Variants in SMKR1 observed in about 807,000 individuals in gnomAD.
SMKR1 encodes the protein small lysine-rich protein 1.
A neutral mutation model predicts 4.0 loss-of-function variants in SMKR1; 4 were observed. The observed-to-expected ratio is 1.00, with a 90% CI of 0.49 to 2.30. SMKR1 has a LOEUF of 2.30. Ranked by LOEUF, SMKR1 falls within the 30% of genes most tolerant of loss-of-function variation. The pLI, the probability that SMKR1 is intolerant of heterozygous loss-of-function variation, is 0.02. For synonymous variants in SMKR1, 38 were observed against 32.5 expected (o/e 1.17, Z -0.58); for missense variants, 56 against 81.8 (o/e 0.68, Z 1.22).
chr7:129,502,750 A>G lies in SMKR1; in HGVS notation c.-75A>G, dbSNP rs1308154374. ...TGCTAGGGGAACGGGCGCTGGGGGC[A>G]GCGGCCCCGGTGGATGCTAAGGGCT... On this transcript the variant is annotated 5_prime_UTR_variant, in exon 1 of 2. Transcript: ENST00000462322. 6.5e-7 allele frequency: 1 copy of G among 1,531,770 alleles called. No homozygotes were observed. Among genetic ancestry groups the G allele is most frequent in the Non-Finnish European group, 8.7e-7 (1 of 1,144,196 alleles). The allele number at this position is 1,531,770 out of a possible 1,614,324, so 94.9% of individuals were successfully genotyped here.
rs529154569 is a variant in SMKR1, at chr7:129,512,279, C to T, written c.36C>T (p.Gly12=). 3.9e-6 allele frequency: 6 copies of T among 1,533,914 alleles called. No homozygotes were observed. The South Asian group carries it at 6.0e-5, about 15-fold the overall frequency. The change falls in exon 2 of 2, where the codon GGC becomes GGT. Residue 12 remains glycine, a synonymous_variant. Transcript: ENST00000462322. The part of the protein sequence containing the change: ...PAKGKKGKGQ[G]KSHGKKQKKP... ...AAGGGAAAAAAGGAAAAGGCCAGGGCAAGTCTCATGGGAAGAAACAGAAGA... is the reference window on the plus strand; with the variant it reads ...AAGGGAAAAAAGGAAAAGGCCAGGGTAAGTCTCATGGGAAGAAACAGAAGA...
In SMKR1 at chr7:129,509,828, C is replaced by T. The variant is rs1305187945; in HGVS notation, c.4-2419C>T. Among the ~76,000 whole-genome samples the T allele has an allele frequency of 9.2e-5, 14 of 152,168 alleles. No individual in the cohort carries two copies. In the East Asian group the frequency reaches 1.9e-3, roughly 21 times the overall value. ...TGCTGGGATTACAGGCGTGAGCCAG[C>T]GCGCCCGGCCTATTTTAGTAGTTGT... On this transcript the variant is annotated intron_variant, in intron 1 of 1. Coordinates refer to ENST00000462322, the MANE Select transcript of SMKR1 (RefSeq NM_001195243.2).
rs1799424549 is a variant in SMKR1 at position 129,502,838 on chromosome 7, T to C, written c.3+11T>C. On this transcript the variant is annotated intron_variant, in intron 1 of 1. Coordinates refer to ENST00000462322, the MANE Select transcript of SMKR1 (RefSeq NM_001195243.2). ...CTGAGAATCGCCATGGTAATCCCCG[T>C]CTCCCTAAAGTACCCGGGGCCAGGG... The C allele has an allele frequency of 1.3e-6, 2 of 1,534,764 alleles. No homozygotes were observed. The highest frequency in any genetic ancestry group is 1.7e-6 in the Non-Finnish European group (2 of 1,146,528).
chr7:129,512,541 G>A lies in SMKR1; in HGVS notation c.*100G>A. On this transcript the variant is annotated 3_prime_UTR_variant, in exon 2 of 2. Coordinates refer to ENST00000462322, the MANE Select transcript of SMKR1 (RefSeq NM_001195243.2). Reference sequence around the variant, plus strand: ...CAGCAACATAGACTTTACTCCAGACGACTTGAGATGCAAATTAAGTGTGCT... The same window carrying A: ...CAGCAACATAGACTTTACTCCAGACAACTTGAGATGCAAATTAAGTGTGCT... 5.2e-6 allele frequency: 6 copies of A among 1,162,500 alleles called. No homozygotes were observed. The highest frequency in any genetic ancestry group is 5.8e-6 in the Non-Finnish European group (5 of 860,124). The allele number at this position is 1,162,500 out of a possible 1,614,324, so 72.0% of individuals were successfully genotyped here.
chr7:129,503,280 C>T (rs1038228023), intron 1 of SMKR1, among the ~76,000 whole-genome samples: 3 of 148,744 alleles, frequency 2.0e-5, no homozygotes, highest in African/African-American at 7.9e-5. Context: ...TTCCTGTTCT[C>T]AGCCCTCATC....
chr7:129,504,742 C>T (rs184661113), intron 1 of SMKR1, among the ~76,000 whole-genome samples: 36 of 152,196 alleles, frequency 2.4e-4, no homozygotes, highest in African/African-American at 8.2e-4. Context: ...TTTGTAGAGA[C>T]CGGATTTTGC....
chr7:129,503,594 C>G (rs1799434691), intron 1 of SMKR1, among the ~76,000 whole-genome samples: 1 of 152,200 alleles, frequency 6.6e-6, no homozygotes, highest in Admixed American at 6.5e-5. Flanking sequence ...AGGCTTGGAT[C>G]AGAAGGACCC....
chr7:129,506,707 CT>C (rs1036988959), intron 1 of SMKR1, among the ~76,000 whole-genome samples: 1 of 134,254 alleles, frequency 7.4e-6, no homozygotes. Context: ...TTTTTACTGA[CT>C]TTTTTTACTT....
At chr7:129,509,519 A>G (rs1584986354) in intron 1 of SMKR1, among the ~76,000 whole-genome samples, 1 of 150,900 alleles carries the variant, frequency 6.6e-6, no homozygotes, top group Non-Finnish European at 1.5e-5. Context: ...AATGTACTCT[A>G]TTTCACCTAG....
intron 1 of SMKR1, among the ~76,000 whole-genome samples, chr7:129,503,235 G>A (rs889611095): frequency 2.0e-5 from 3 of 151,784 alleles, no homozygotes; most frequent in African/African-American, 7.3e-5. Flanking sequence ...GAAGCAGAGA[G>A]TGAGCCTGGT....
At chr7:129,505,334 C>G (rs1172631787) in intron 1 of SMKR1, among the ~76,000 whole-genome samples, 2 of 152,158 alleles carry the variant, frequency 1.3e-5, no homozygotes, top group African/African-American at 2.4e-5. Context: ...CACTGTACTT[C>G]CCCCTGTCCC....
At position 129,502,537 on chromosome 7, in the gene SMKR1, C is replaced by G. The variant is rs1799420398; in HGVS notation, c.-288C>G. On this transcript the variant is annotated 5_prime_UTR_variant, in exon 1 of 2. Coordinates refer to ENST00000462322, the MANE Select transcript of SMKR1 (RefSeq NM_001195243.2). ...GCGGCCCCGCCCCCGAGGCGCACGC[C>G]GGCCCAGCGCCCACAGCTGCGGCGG... 3.2e-6 allele frequency: 1 copy of G among 311,426 alleles called. No individual in the cohort carries two copies. 19.3% of individuals were successfully genotyped at this position (311,426 alleles called of 1,614,324 possible).
intron 1 of SMKR1, among the ~76,000 whole-genome samples, chr7:129,503,829 C>CT (rs11404964): frequency 0.66 from 83,126 of 126,236 alleles, 27,970 homozygotes; most frequent in Middle Eastern, 0.73. Context: ...GAGCTATTAC[C>CT]TTTTTTTTTT....
intron 1 of SMKR1, among the ~76,000 whole-genome samples, chr7:129,503,745 A>G (rs1799436309): frequency 1.3e-5 from 2 of 151,596 alleles, no homozygotes; most frequent in Admixed American, 1.3e-4. Flanking sequence ...TGTTCTTTCC[A>G]GTTTGTTTCG....
chr7:129,510,630 A>G (rs1337198437), intron 1 of SMKR1, among the ~76,000 whole-genome samples: 1 of 152,136 alleles, frequency 6.6e-6, no homozygotes, highest in African/African-American at 2.4e-5. Flanking sequence ...TGGGCGGCTG[A>G]GGTGAGAGGA....
chr7:129,504,985 G>A (rs1799450332), intron 1 of SMKR1, among the ~76,000 whole-genome samples: 1 of 152,234 alleles, frequency 6.6e-6, no homozygotes, highest in Non-Finnish European at 1.5e-5. Flanking sequence ...CAGGGCCTGG[G>A]ACACAGTAGA....
chr7:129,502,743 T>C lies in SMKR1; in HGVS notation c.-82T>C, dbSNP rs1473007797. 11 of 1,530,676 alleles carry C rather than the reference T, an allele frequency of 7.2e-6. No homozygotes were observed. Among genetic ancestry groups the C allele is most frequent in the Admixed American group, 2.0e-5 (1 of 50,916 alleles). 94.8% of individuals were successfully genotyped at this position (1,530,676 alleles called of 1,614,324 possible). A position where few individuals can be genotyped will look rare whatever the true frequency, so the allele number is the denominator to read the frequency against. On this transcript the variant is annotated 5_prime_UTR_variant, in exon 1 of 2. Transcript: ENST00000462322. Reference sequence around the variant, plus strand: ...CCGGGGGTGCTAGGGGAACGGGCGCTGGGGGCAGCGGCCCCGGTGGATGCT... The same window carrying C: ...CCGGGGGTGCTAGGGGAACGGGCGCCGGGGGCAGCGGCCCCGGTGGATGCT...
chr7:129,504,556 GTT>G (rs34092113), intron 1 of SMKR1, among the ~76,000 whole-genome samples: 29,199 of 150,232 alleles, frequency 0.19, 3,439 homozygotes, highest in Admixed American at 0.26. Context: ...CTTTGTTTTT[GTT>G]TTTTTTTTTT....
At chr7:129,505,541 C>T (rs1389789745) in intron 1 of SMKR1, among the ~76,000 whole-genome samples, 2 of 151,486 alleles carry the variant, frequency 1.3e-5, no homozygotes, top group Non-Finnish European at 2.9e-5. Flanking sequence ...TGCAATGGCG[C>T]GATCTCGGTT....
Sources: gnomAD v4.1 joint callset for allele counts (sites outside exome capture counted in the v4.1 genomes callset) on GRCh38, gnomAD v4.1.1 for gene constraint, MANE v1.5 for transcripts, NCBI Gene and HGNC (gene_info 2026-07-23, HGNC 2026-07-21) for gene names.